GPC6: variants seen among roughly 807,000 people sequenced by gnomAD.
GPC6 encodes the protein glypican 6.
A neutral mutation model predicts 55.2 loss-of-function variants in GPC6; 14 were observed. That is an observed-to-expected ratio of 0.25 (90% CI 0.17 to 0.40). The LOEUF is 0.40. GPC6 is among the 10% of genes least tolerant of loss of function. The probability of loss-of-function intolerance (pLI) is 1.00; values close to 1 mark genes in which losing one functional copy is unlikely to be tolerated. For missense variants in GPC6, 641 were observed against 708.5 expected (o/e 0.90, Z 1.08); for synonymous variants, 278 against 259.6 (o/e 1.07, Z -0.68).
At chr13:94,005,729 A>G (rs1437209949) in intron 3 of GPC6, among the ~76,000 whole-genome samples, 1 of 152,200 alleles carries the variant, frequency 6.6e-6, no homozygotes, top group Non-Finnish European at 1.5e-5. Context: ...AATGAGCCCT[A>G]GAATATTAAA....
chr13:93,862,404 G>A (rs1266111920), intron 3 of GPC6, among the ~76,000 whole-genome samples: 1 of 151,374 alleles, frequency 6.6e-6, no homozygotes, highest in Non-Finnish European at 1.5e-5. Context: ...ATATTTAGGG[G>A]GGTTACATCG....
intron 1 of GPC6, 25 bp from the exon 2 acceptor site, chr13:93,545,238 A>G (rs1347390138): frequency 6.3e-7 from 1 of 1,595,410 alleles, no homozygotes; most frequent in Non-Finnish European, 8.6e-7. Context: ...AGAATGCAAT[A>G]GTGACATTTA....
rs2139234247 is a variant in GPC6 at position 94,403,139 on chromosome 13, T to C, written c.1590T>C (p.Ser530=). The C allele has an allele frequency of 1.2e-6, 2 of 1,614,000 alleles. No homozygotes were observed. Among genetic ancestry groups the C allele is most frequent in the Non-Finnish European group, 8.5e-7 (1 of 1,179,828 alleles). ...CCGACCGGAGAGAGGTGGACTCTTCTGCAGCCCAGCGTGGCCACTCCCTGC... is the reference window on the plus strand; with the variant it reads ...CCGACCGGAGAGAGGTGGACTCTTCCGCAGCCCAGCGTGGCCACTCCCTGC... ...VDPDRREVDS[S]AAQRGHSLLS... The change falls in exon 9 of 9, where the codon TCT becomes TCC. Residue 530 remains serine, a synonymous_variant. Coordinates refer to ENST00000377047, the MANE Select transcript of GPC6 (RefSeq NM_005708.5).
At chr13:94,164,049 A>G (rs982643299) in intron 4 of GPC6, among the ~76,000 whole-genome samples, 2 of 152,222 alleles carry the variant, frequency 1.3e-5, no homozygotes, top group African/African-American at 4.8e-5. Flanking sequence ...TGAAAAGCAG[A>G]GAAACAAAGA....
At chr13:93,827,737 G>A (rs1383657693) in intron 2 of GPC6, among the ~76,000 whole-genome samples, 1 of 152,180 alleles carries the variant, frequency 6.6e-6, no homozygotes, top group Non-Finnish European at 1.5e-5. Flanking sequence ...TTATTGAAAT[G>A]TGATAACTTG....
intron 1 of GPC6, among the ~76,000 whole-genome samples, chr13:93,490,669 CT>C (rs1273159651): frequency 1.2e-5 from 1 of 83,374 alleles, no homozygotes; most frequent in Non-Finnish European, 2.3e-5. Flanking sequence ...TCCCTCCCCC[CT>C]CCCCCCACCC....
At chr13:93,234,245 C>T (rs1175691238) in intron 1 of GPC6, among the ~76,000 whole-genome samples, 1 of 152,086 alleles carries the variant, frequency 6.6e-6, no homozygotes, top group Non-Finnish European at 1.5e-5. Flanking sequence ...GTTTGTTAGC[C>T]CTGCAAGGTC....
chr13:94,032,410 A>T (rs563488944), intron 4 of GPC6, among the ~76,000 whole-genome samples: 1 of 152,300 alleles, frequency 6.6e-6, no homozygotes, highest in East Asian at 1.9e-4. Context: ...AGCAAATAAG[A>T]TTGTATTGAA....
chr13:94,272,410 T>C (rs1379983209), intron 4 of GPC6, among the ~76,000 whole-genome samples: 2 of 151,792 alleles, frequency 1.3e-5, no homozygotes, highest in Non-Finnish European at 2.9e-5. Flanking sequence ...TCAATGACAC[T>C]TTGAGATATT....
chr13:93,409,528 T>C (rs1876419439), intron 1 of GPC6, among the ~76,000 whole-genome samples: 1 of 152,162 alleles, frequency 6.6e-6, no homozygotes, highest in South Asian at 2.1e-4. Context: ...ATGGCAAGTG[T>C]GTACTGCTTC....
At chr13:93,386,179 G>T (rs1875394386) in intron 1 of GPC6, among the ~76,000 whole-genome samples, 2 of 149,658 alleles carry the variant, frequency 1.3e-5, no homozygotes, top group Admixed American at 1.3e-4. Context: ...GTAATTTTGA[G>T]GGCAAGTTCA....
intron 7 of GPC6, among the ~76,000 whole-genome samples, chr13:94,391,092 C>T (rs1373940215): frequency 6.6e-6 from 1 of 152,128 alleles, no homozygotes; most frequent in East Asian, 1.9e-4. Flanking sequence ...GAATTTTGCT[C>T]CTGCTTACTG....
chr13:93,747,873 T>C (rs1336881406), intron 2 of GPC6, among the ~76,000 whole-genome samples: 8 of 152,200 alleles, frequency 5.3e-5, no homozygotes, highest in Admixed American at 5.2e-4. Context: ...ATTCAGCAGT[T>C]ACCTGTTTAG....
chr13:93,599,359 G>A (rs1044608125), intron 2 of GPC6, among the ~76,000 whole-genome samples: 3 of 151,652 alleles, frequency 2.0e-5, no homozygotes, highest in Non-Finnish European at 4.4e-5. Flanking sequence ...TTTGTTGGCA[G>A]CTCAAATCCA....
At chr13:94,284,246 C>A (rs1369577800) in intron 4 of GPC6, among the ~76,000 whole-genome samples, 1 of 152,150 alleles carries the variant, frequency 6.6e-6, no homozygotes, top group Admixed American at 6.6e-5. Context: ...AGTCCCAGGG[C>A]CGACAGTTCT....
At chr13:93,913,826 G>T (rs1877141343) in intron 3 of GPC6, among the ~76,000 whole-genome samples, 1 of 152,142 alleles carries the variant, frequency 6.6e-6, no homozygotes, top group Non-Finnish European at 1.5e-5. Context: ...GATGTTTTAA[G>T]TATGGACTGA....
intron 2 of GPC6, among the ~76,000 whole-genome samples, chr13:93,745,451 A>T (rs1039782206): frequency 5.9e-5 from 9 of 152,096 alleles, no homozygotes; most frequent in African/African-American, 2.2e-4. Flanking sequence ...CACCTTGTTA[A>T]GTCACTGACT....
chr13:93,751,032 C>G (rs1884563000), intron 2 of GPC6, among the ~76,000 whole-genome samples: 1 of 152,146 alleles, frequency 6.6e-6, no homozygotes, highest in Non-Finnish European at 1.5e-5. Flanking sequence ...CTTAATTACT[C>G]TCTGTATGCC....
chr13:93,605,595 G>A (rs1268420250), intron 2 of GPC6, among the ~76,000 whole-genome samples: 1 of 152,094 alleles, frequency 6.6e-6, no homozygotes, highest in Non-Finnish European at 1.5e-5. Flanking sequence ...CCAGCACTTT[G>A]GGACGCCAAG....
Sources: allele counts gnomAD v4.1 joint callset (sites outside exome capture counted in the v4.1 genomes callset), GRCh38; gene constraint gnomAD v4.1.1; transcripts MANE v1.5; gene names NCBI Gene and HGNC (gene_info 2026-07-23, HGNC 2026-07-21).